ZCCHC24: variants seen among roughly 807,000 people sequenced by gnomAD.
ZCCHC24 encodes zinc finger CCHC domain-containing protein 24.
A neutral mutation model predicts 26.2 loss-of-function variants in ZCCHC24; 10 were observed. The ratio of observed to expected loss-of-function variants is 0.38; its 90% CI spans 0.24 to 0.65. The LOEUF is 0.65. ZCCHC24 is among the 30% of genes least tolerant of loss of function. The pLI, the probability that ZCCHC24 is intolerant of heterozygous loss-of-function variation, is 0.54. For missense variants in ZCCHC24, 243 were observed against 329.1 expected (o/e 0.74, Z 2.03); for synonymous variants, 144 against 147.1 (o/e 0.98, Z 0.15).
intron 1 of ZCCHC24, among the ~76,000 whole-genome samples, chr10:79,434,570 CTA>C (rs1216667391): frequency 6.6e-6 from 1 of 152,210 alleles, no homozygotes; most frequent in Non-Finnish European, 1.5e-5. Flanking sequence ...GCCCACAACT[CTA>C]TGAGTCACTA....
intron 2 of ZCCHC24, among the ~76,000 whole-genome samples, chr10:79,429,864 C>T (rs529519893): frequency 2.0e-5 from 3 of 152,252 alleles, no homozygotes; most frequent in East Asian, 1.9e-4. Context: ...CCTGTCAACC[C>T]GTTCCTCCCT....
At chr10:79,431,783 A>G (rs1256503550) in intron 2 of ZCCHC24, among the ~76,000 whole-genome samples, 1 of 152,216 alleles carries the variant, frequency 6.6e-6, no homozygotes, top group Non-Finnish European at 1.5e-5. Context: ...TTATAAAAAA[A>G]GTTGGAAAAT....
chr10:79,416,805 A>G (rs774137293), intron 2 of ZCCHC24, among the ~76,000 whole-genome samples: 6 of 152,128 alleles, frequency 3.9e-5, no homozygotes, highest in Non-Finnish European at 7.3e-5. Flanking sequence ...CCTCTGTGCA[A>G]TGGGGATAAG....
rs1176859730 is a variant in ZCCHC24 at position 79,385,161 on chromosome 10, G to A, written c.*1184C>T. The A allele has an allele frequency of 6.6e-6, 1 of 152,330 alleles. No homozygotes were observed. The allele number at this position is 152,330 out of a possible 1,614,324, so 9.4% of individuals were successfully genotyped here. On this transcript the variant is annotated 3_prime_UTR_variant, in exon 4 of 4. Coordinates refer to ENST00000372336, the MANE Select transcript of ZCCHC24 (RefSeq NM_153367.4). This position sits in a 1 kb window ranked among gnomAD's most constrained non-coding sequence, Gnocchi z 4.3. ...GGGGTGGGGGATGAAAAGCAGGGCT[G>A]GGGCTGCAGGGGCCAGCAGGGGAGG... is the stretch of plus-strand genomic sequence containing the variant.
At chr10:79,405,163 G>C (rs1856693664) in intron 2 of ZCCHC24, among the ~76,000 whole-genome samples, 1 of 108,152 alleles carries the variant, frequency 9.2e-6, no homozygotes, top group South Asian at 3.2e-4. Context: ...AAAGGCGAGA[G>C]ACATGATCTT....
chr10:79,443,860 C>A (rs529156484), intron 1 of ZCCHC24, among the ~76,000 whole-genome samples: 1 of 152,248 alleles, frequency 6.6e-6, no homozygotes, highest in Admixed American at 6.5e-5. Context: ...CTTTCAGACT[C>A]ATCTTCCTCC....
intron 1 of ZCCHC24, among the ~76,000 whole-genome samples, chr10:79,434,249 C>G (rs541830572): frequency 6.6e-6 from 1 of 152,332 alleles, no homozygotes; most frequent in Admixed American, 6.5e-5. Flanking sequence ...TCAATGGGTC[C>G]AACTGACTGT....
At chr10:79,427,407 A>G (rs1389391159) in intron 2 of ZCCHC24, among the ~76,000 whole-genome samples, 1 of 152,206 alleles carries the variant, frequency 6.6e-6, no homozygotes, top group African/African-American at 2.4e-5. Context: ...AGTGCACACA[A>G]AACATTCTCC....
intron 2 of ZCCHC24, among the ~76,000 whole-genome samples, chr10:79,410,559 T>C (rs993458273): frequency 6.6e-6 from 1 of 152,174 alleles, no homozygotes; most frequent in Non-Finnish European, 1.5e-5. Flanking sequence ...TGCAAAGGGC[T>C]AGACCACGGG....
chr10:79,386,104 C>T lies in ZCCHC24; in HGVS notation c.*241G>A. The T allele has an allele frequency of 3.4e-6, 2 of 593,488 alleles. No homozygotes were observed. Among genetic ancestry groups the T allele is most frequent in the South Asian group, 2.1e-5 (1 of 47,666 alleles). The allele number at this position is 593,488 out of a possible 1,614,324, so 36.8% of individuals were successfully genotyped here. A position where few individuals can be genotyped will look rare whatever the true frequency, so the allele number is the denominator to read the frequency against. ...GCCTTTGTCCCCTCCACTGAGACCCCAGGCCCGCCTGCAAAAAGCCCCAGA... is the reference window on the plus strand; with the variant it reads ...GCCTTTGTCCCCTCCACTGAGACCCTAGGCCCGCCTGCAAAAAGCCCCAGA... On this transcript the variant is annotated 3_prime_UTR_variant, in exon 4 of 4. Coordinates refer to ENST00000372336, the MANE Select transcript of ZCCHC24 (RefSeq NM_153367.4).
At chr10:79,437,214 A>ATT in intron 1 of ZCCHC24, among the ~76,000 whole-genome samples, 1 of 151,936 alleles carries the variant, frequency 6.6e-6, no homozygotes, top group African/African-American at 2.4e-5. Context: ...CGGCTGGCTG[A>ATT]TTTTTTGTAT....
At chr10:79,435,429 C>T (rs191273502) in intron 1 of ZCCHC24, among the ~76,000 whole-genome samples, 17 of 152,280 alleles carry the variant, frequency 1.1e-4, no homozygotes, top group East Asian at 9.7e-4. Context: ...GGCCTCTAAG[C>T]GGGTGCCCTC....
At chr10:79,419,403 G>T (rs890594324) in intron 2 of ZCCHC24, among the ~76,000 whole-genome samples, 2 of 152,214 alleles carry the variant, frequency 1.3e-5, no homozygotes, top group African/African-American at 4.8e-5. Context: ...ACACAGCTGG[G>T]AAAGAGCAAA....
At chr10:79,422,527 C>T (rs1856957931) in intron 2 of ZCCHC24, among the ~76,000 whole-genome samples, 1 of 152,216 alleles carries the variant, frequency 6.6e-6, no homozygotes, top group African/African-American at 2.4e-5. Context: ...GCCCTTTCCC[C>T]AGCAAGACCC....
At position 79,443,727 on chromosome 10, in the gene ZCCHC24, GAA is replaced by G. The variant is rs930669183; in HGVS notation, c.246+1466_246+1467del. 6.6e-5 allele frequency among the ~76,000 whole-genome samples: 10 copies of G among 152,226 alleles called. 1 individual carries two copies. Among genetic ancestry groups the G allele is most frequent in the Admixed American group, 5.9e-4 (9 of 15,288 alleles). On this transcript the variant is annotated intron_variant, in intron 1 of 3. Coordinates refer to ENST00000372336, the MANE Select transcript of ZCCHC24 (RefSeq NM_153367.4). ...CTGAAGCCAATTCCCTGAAGAGGCA[GAA>G]AAGTCTCTTACAAGAAAGAAAGATC...
At chr10:79,442,228 A>G (rs1857299519) in intron 1 of ZCCHC24, among the ~76,000 whole-genome samples, 1 of 152,172 alleles carries the variant, frequency 6.6e-6, no homozygotes, top group Non-Finnish European at 1.5e-5. Context: ...GAAACTGTGC[A>G]AGGTGCTTGT....
intron 2 of ZCCHC24, among the ~76,000 whole-genome samples, chr10:79,401,763 A>G (rs528394814): frequency 6.6e-6 from 1 of 152,182 alleles, no homozygotes; most frequent in Non-Finnish European, 1.5e-5. Context: ...CCGCCCTCCC[A>G]TGGAGCACAA....
chr10:79,402,570 C>T (rs1230687455), intron 2 of ZCCHC24, among the ~76,000 whole-genome samples: 6 of 152,238 alleles, frequency 3.9e-5, no homozygotes, highest in South Asian at 2.1e-4. Flanking sequence ...CCACTGTGCC[C>T]GGCCAGAGCC....
chr10:79,434,678 C>T (rs1201743970), intron 1 of ZCCHC24, among the ~76,000 whole-genome samples: 1 of 152,200 alleles, frequency 6.6e-6, no homozygotes, highest in East Asian at 1.9e-4. Flanking sequence ...CTCAGACCTA[C>T]CAAAGCAGCC....
Sources: gnomAD v4.1 joint callset for allele counts (sites outside exome capture counted in the v4.1 genomes callset) on GRCh38, gnomAD v4.1.1 for gene constraint, Gnocchi (gnomAD v3.1) non-coding constraint, MANE v1.5 for transcripts, NCBI Gene and HGNC (gene_info 2026-07-23, HGNC 2026-07-21) for gene names.